Variants in PARD3B observed in about 807,000 individuals in gnomAD.
PARD3B encodes partitioning defective 3 homolog B.
In PARD3B, 103 loss-of-function variants were observed where a neutral mutation model predicts 130.2. That is an observed-to-expected ratio of 0.79 (90% CI 0.67 to 0.93). The LOEUF is 0.93. PARD3B is among the 40% of genes least tolerant of loss of function. The pLI is 0.00. For missense variants in PARD3B, 1,609 were observed against 1,499.2 expected, an observed-to-expected ratio of 1.07 and a Z score of -1.21; for synonymous variants, 583 against 553.2, an observed-to-expected ratio of 1.05 and a Z score of -0.76.
At position 205,480,976 on chromosome 2, in the gene PARD3B, G is replaced by T. The variant is rs748483320; in HGVS notation, c.3045-18920G>T. Among the ~76,000 whole-genome samples the T allele has an allele frequency of 2.0e-5, 3 of 152,266 alleles. No homozygotes were observed. The South Asian group carries it at 6.2e-4, about 32-fold the overall frequency. Reference sequence around the variant, plus strand: ...ACCAATGACAGACTCCTGGGGCTGTGACAAGCTTAGGCTATCAAGGAACAG... The same window carrying T: ...ACCAATGACAGACTCCTGGGGCTGTTACAAGCTTAGGCTATCAAGGAACAG... On this transcript the variant is annotated intron_variant, in intron 20 of 22. Coordinates refer to ENST00000406610, the MANE Select transcript of PARD3B (RefSeq NM_001302769.2).
At chr2:204,611,916 T>C (rs1386668755) in intron 1 of PARD3B, among the ~76,000 whole-genome samples, 1 of 152,162 alleles carries the variant, frequency 6.6e-6, no homozygotes, top group Non-Finnish European at 1.5e-5. Flanking sequence ...ATGGTTAAGG[T>C]TGAGTCTGTT....
rs1311463010 is a variant in PARD3B at position 205,052,434 on chromosome 2, TATATATATATATATATAA to T, written c.504+4746_504+4763del. 3.3e-4 allele frequency among the ~76,000 whole-genome samples: 9 copies of T among 27,174 alleles called. No individual in the cohort carries two copies. In the South Asian group the frequency reaches 6.1e-3, roughly 19 times the overall value. The allele number at this position is 27,174 out of a possible 152,430, so 17.8% of individuals were successfully genotyped here. On this transcript the variant is annotated intron_variant, in intron 4 of 22. Coordinates refer to ENST00000406610, the MANE Select transcript of PARD3B (RefSeq NM_001302769.2). ...ATATATATATGTATATATATATATA[TATATATATATATATATAA>T]AATTAAAAAAATAAGCTGGCAGATT... is the stretch of plus-strand genomic sequence containing the variant.
rs1270948476 is a variant in PARD3B at position 204,689,575 on chromosome 2, G to A, written c.222+3293G>A. ...TCATGTCTCCTCTCTGGTTGCTAAA[G>A]GCTACCAACTTAGTTCACCCAATAG... On this transcript the variant is annotated intron_variant, in intron 2 of 22. Transcript: ENST00000406610. This position sits in a 1 kb window ranked among gnomAD's most constrained non-coding sequence, Gnocchi z 5.2. Among the ~76,000 whole-genome samples the A allele has an allele frequency of 1.3e-5, 2 of 152,030 alleles. No individual in the cohort carries two copies. The highest frequency in any genetic ancestry group is 6.6e-5 in the Admixed American group (1 of 15,236).
At chr2:204,553,251 A>T (rs538128790) in intron 1 of PARD3B, among the ~76,000 whole-genome samples, 5 of 152,218 alleles carry the variant, frequency 3.3e-5, no homozygotes, top group East Asian at 1.9e-4. Flanking sequence ...AAAAAATTTT[A>T]AAAAAATAGG....
intron 2 of PARD3B, among the ~76,000 whole-genome samples, chr2:204,949,716 A>G (rs1411337780): frequency 6.6e-6 from 1 of 152,170 alleles, no homozygotes; most frequent in African/African-American, 2.4e-5. Context: ...TACATTTTAT[A>G]AATTTGTTGA....
At chr2:205,189,589 A>G (rs1032910649) in intron 14 of PARD3B, among the ~76,000 whole-genome samples, 1 of 152,184 alleles carries the variant, frequency 6.6e-6, no homozygotes, top group African/African-American at 2.4e-5. Context: ...CTTCAAAATT[A>G]AAATGTTGTA....
chr2:205,330,487 C>G (rs772529595), intron 18 of PARD3B, among the ~76,000 whole-genome samples: 1 of 152,212 alleles, frequency 6.6e-6, no homozygotes. Context: ...CAGAAGACAG[C>G]AGGGCATAGG....
At chr2:204,775,139 T>A (rs1232864183) in intron 2 of PARD3B, among the ~76,000 whole-genome samples, 1 of 152,164 alleles carries the variant, frequency 6.6e-6, no homozygotes, top group Non-Finnish European at 1.5e-5. Flanking sequence ...TTTTGTTGGG[T>A]AACTTAAAAA....
At chr2:204,659,000 G>A (rs1411922613) in intron 1 of PARD3B, among the ~76,000 whole-genome samples, 1 of 152,126 alleles carries the variant, frequency 6.6e-6, no homozygotes, top group Non-Finnish European at 1.5e-5. Context: ...CTTTGTCCTT[G>A]AAAATGTAAG....
intron 2 of PARD3B, among the ~76,000 whole-genome samples, chr2:204,839,297 A>G (rs1286099872): frequency 2.0e-5 from 3 of 152,212 alleles, no homozygotes; most frequent in South Asian, 2.1e-4. Flanking sequence ...AGCAAGGCAC[A>G]TATCATCGTA....
At chr2:204,944,463 A>T (rs926263283) in intron 2 of PARD3B, among the ~76,000 whole-genome samples, 1 of 152,202 alleles carries the variant, frequency 6.6e-6, no homozygotes, top group African/African-American at 2.4e-5. Context: ...GGCTTTCCAC[A>T]GGCATGAAAG....
rs137990417 is a variant in PARD3B, at chr2:205,135,958, G to A, written c.1434+10221G>A. Among the ~76,000 whole-genome samples the A allele has an allele frequency of 3.1e-3, 465 of 152,168 alleles. 6 individuals carry two copies. The East Asian group carries it at 0.032, about 11-fold the overall frequency. On this transcript the variant is annotated intron_variant, in intron 10 of 22. Transcript: ENST00000406610. ...AATGTTTTATCCCAAATGTTAAAAAGACCAAAGAACATTTAATATTGTTAT... is the reference window on the plus strand; with the variant it reads ...AATGTTTTATCCCAAATGTTAAAAAAACCAAAGAACATTTAATATTGTTAT...
chr2:205,472,580 C>G (rs1289926292), intron 20 of PARD3B, among the ~76,000 whole-genome samples: 3 of 152,126 alleles, frequency 2.0e-5, no homozygotes, highest in African/African-American at 7.2e-5. Flanking sequence ...GTTTGTTCCT[C>G]TCAAGACTTC....
intron 2 of PARD3B, among the ~76,000 whole-genome samples, chr2:204,833,656 C>T (rs2043915850): frequency 6.6e-6 from 1 of 152,052 alleles, no homozygotes; most frequent in South Asian, 2.1e-4. Context: ...AGTTTCCCTG[C>T]ACAAGTTCTG....
intron 1 of PARD3B, among the ~76,000 whole-genome samples, chr2:204,605,238 T>C (rs2033668924): frequency 6.6e-6 from 1 of 152,140 alleles, no homozygotes; most frequent in African/African-American, 2.4e-5. Flanking sequence ...AATTAGACTT[T>C]CCATGCCAAT....
At chr2:205,610,730 G>A (rs1351935696) in intron 22 of PARD3B, among the ~76,000 whole-genome samples, 3 of 152,132 alleles carry the variant, frequency 2.0e-5, no homozygotes, top group African/African-American at 7.2e-5. Flanking sequence ...CAGTCATTCT[G>A]TGTTGGACCC....
At chr2:205,049,561 C>T (rs1699042872) in intron 4 of PARD3B, among the ~76,000 whole-genome samples, 1 of 152,040 alleles carries the variant, frequency 6.6e-6, no homozygotes, top group Admixed American at 6.6e-5. Flanking sequence ...TGTTTATTTC[C>T]ATGTTTCTAT....
intron 3 of PARD3B, among the ~76,000 whole-genome samples, chr2:205,041,566 G>A (rs1011628201): frequency 1.2e-4 from 18 of 152,048 alleles, no homozygotes; most frequent in South Asian, 2.1e-4. Context: ...CTCTCTGTGC[G>A]TGAGGTCCTC....
chr2:205,455,550 T>G (rs1037794326), intron 20 of PARD3B, among the ~76,000 whole-genome samples: 1 of 152,022 alleles, frequency 6.6e-6, no homozygotes, highest in African/African-American at 2.4e-5. Flanking sequence ...TAGATTTTTT[T>G]TTTCCATTTG....
Sources: allele counts gnomAD v4.1 joint callset (sites outside exome capture counted in the v4.1 genomes callset), GRCh38; gene constraint gnomAD v4.1.1; non-coding constraint Gnocchi (gnomAD v3.1); transcripts MANE v1.5; gene names NCBI Gene and HGNC (gene_info 2026-07-23, HGNC 2026-07-21).